PLPPR1: variants seen among roughly 807,000 people sequenced by gnomAD.
The protein encoded by PLPPR1 is phospholipid phosphatase-related protein type 1.
A neutral mutation model predicts 33.1 loss-of-function variants in PLPPR1; 10 were observed. The observed-to-expected ratio is 0.30, with a 90% confidence interval of 0.19 to 0.51. The LOEUF is 0.51. Among genes scored for constraint, PLPPR1 ranks in the 20% least tolerant of loss-of-function variants. PLPPR1 has a pLI of 0.97. For synonymous variants in PLPPR1, 151 were observed against 151.0 expected, an observed-to-expected ratio of 1.00 and a Z score of 0.00; for missense variants, 304 against 408.1, an observed-to-expected ratio of 0.74 and a Z score of 2.20.
chr9:101,186,437 G>A (rs1370683618), intron 2 of PLPPR1, among the ~76,000 whole-genome samples: 1 of 151,740 alleles, frequency 6.6e-6, no homozygotes, highest in Non-Finnish European at 1.5e-5. Context: ...CCACATCCCA[G>A]GGGTGAGCTG....
chr9:101,269,880 C>T lies in PLPPR1; in HGVS notation c.64C>T (p.Leu22Phe), dbSNP rs1251928208. The T allele has an allele frequency of 1.2e-6, 2 of 1,613,942 alleles. No individual in the cohort carries two copies. The highest frequency in any genetic ancestry group is 1.7e-6 in the Non-Finnish European group (2 of 1,179,982). Residue 22 changes from leucine to phenylalanine, a missense_variant and splice_region_variant, in exon 3 of 8, where the codon CTT becomes TTT. Leu to Phe is a conservative substitution (Grantham distance 22). Transcript: ENST00000374874. Reference sequence around the variant, plus strand: ...CTGTGTGGCCATGCTGTATTTTCAGCTTGTCATCATGGCTGGGACAGTGCT... The same window carrying T: ...CTGTGTGGCCATGCTGTATTTTCAGTTTGTCATCATGGCTGGGACAGTGCT... Reference protein sequence around the residue: ...SIIPCFIFVELVIMAGTVLLA... With the variant: ...SIIPCFIFVEFVIMAGTVLLA...
intron 2 of PLPPR1, among the ~76,000 whole-genome samples, chr9:101,217,136 A>G (rs1455395752): frequency 6.6e-6 from 1 of 152,192 alleles, no homozygotes; most frequent in Non-Finnish European, 1.5e-5. Context: ...AAGTAATATC[A>G]TTAAAAATAA....
intron 4 of PLPPR1, among the ~76,000 whole-genome samples, chr9:101,308,543 G>A (rs764903075): frequency 1.3e-5 from 2 of 152,152 alleles, no homozygotes; most frequent in Non-Finnish European, 2.9e-5. Context: ...AGCAGCAATA[G>A]GAGGCTATTG....
At chr9:101,176,624 G>A (rs985970062) in intron 1 of PLPPR1, among the ~76,000 whole-genome samples, 3 of 152,148 alleles carry the variant, frequency 2.0e-5, no homozygotes, top group Admixed American at 1.3e-4. Flanking sequence ...CCTCTGTTAA[G>A]CAATAACAAG....
Position 101,055,933 on chromosome 9 carries a change from C to T in PLPPR1, c.-46+26831C>T, listed in dbSNP as rs139605947. ...TATATTTGGAATTTACGTCATGTTC[C>T]CCAAAGCTAACTGCCTCCTGTATCT... On this transcript the variant is annotated intron_variant, in intron 1 of 7. Transcript: ENST00000374874. Among the ~76,000 whole-genome samples the T allele has an allele frequency of 3.5e-4, 53 of 152,296 alleles. 1 individual carries two copies. Among genetic ancestry groups the T allele is most frequent in the African/African-American group, 1.3e-3 (52 of 41,562 alleles).
Position 101,209,338 on chromosome 9 carries a change from G to C in PLPPR1, c.63+23781G>C, listed in dbSNP as rs115272330. 3.8e-3 allele frequency among the ~76,000 whole-genome samples: 582 copies of C among 152,346 alleles called. 3 individuals carry two copies. The highest frequency in any genetic ancestry group is 0.014 in the African/African-American group (562 of 41,588). Reference sequence around the variant, plus strand: ...TTCAAAGAGGTGGACTTTTTCCTCTGTGAATTTTTCCCGTCTGGCAGATAT... The same window carrying C: ...TTCAAAGAGGTGGACTTTTTCCTCTCTGAATTTTTCCCGTCTGGCAGATAT... On this transcript the variant is annotated intron_variant, in intron 2 of 7. Transcript: ENST00000374874.
chr9:101,142,495 A>G (rs894163598), intron 1 of PLPPR1, among the ~76,000 whole-genome samples: 2 of 152,262 alleles, frequency 1.3e-5, no homozygotes, highest in Middle Eastern at 3.4e-3. Flanking sequence ...CCTACGAGGA[A>G]TTTCCTCTGT....
At chr9:101,225,538 C>G (rs1227578639) in intron 2 of PLPPR1, among the ~76,000 whole-genome samples, 1 of 152,110 alleles carries the variant, frequency 6.6e-6, no homozygotes, top group African/African-American at 2.4e-5. Flanking sequence ...TTTCTTAACC[C>G]AATTGCAAAA....
chr9:101,076,983 AAC>A (rs2118500452), intron 1 of PLPPR1, among the ~76,000 whole-genome samples: 2 of 152,280 alleles, frequency 1.3e-5, no homozygotes, highest in Admixed American at 6.5e-5. Flanking sequence ...TCTGTGCCAC[AAC>A]TATCACAGGT....
At chr9:101,317,556 A>T in intron 7 of PLPPR1, 60 bp downstream of exon 7, 6 of 1,513,948 alleles carry the variant, frequency 4.0e-6, no homozygotes, top group Non-Finnish European at 4.5e-6. Context: ...GGAGGTCAGT[A>T]TCAATCCATG....
chr9:101,153,865 G>A (rs985557000), intron 1 of PLPPR1, among the ~76,000 whole-genome samples: 1 of 151,972 alleles, frequency 6.6e-6, no homozygotes, highest in Non-Finnish European at 1.5e-5. Context: ...CTACAGGCGT[G>A]AGCCACCGTG....
intron 2 of PLPPR1, among the ~76,000 whole-genome samples, chr9:101,197,765 T>G (rs1288092103): frequency 3.3e-5 from 5 of 152,248 alleles, no homozygotes; most frequent in African/African-American, 1.2e-4. Context: ...AAAGACTGCA[T>G]TAAATTATTG....
intron 6 of PLPPR1, among the ~76,000 whole-genome samples, chr9:101,313,640 T>C (rs1163108845): frequency 6.6e-6 from 1 of 152,206 alleles, no homozygotes; most frequent in Non-Finnish European, 1.5e-5. Flanking sequence ...CCCAAATAGA[T>C]GGAGGTCTGG....
chr9:101,306,761 T>C (rs1188322591), intron 4 of PLPPR1, among the ~76,000 whole-genome samples: 4 of 152,172 alleles, frequency 2.6e-5, no homozygotes, highest in Admixed American at 6.5e-5. Flanking sequence ...AATTTTAGAC[T>C]CCAAGCCAAG....
chr9:101,128,786 A>G (rs556192033), intron 1 of PLPPR1, among the ~76,000 whole-genome samples: 1 of 152,314 alleles, frequency 6.6e-6, no homozygotes, highest in South Asian at 2.1e-4. Context: ...TTCACAACAT[A>G]ACCCTCTGTG....
At chr9:101,175,398 C>T (rs190045888) in intron 1 of PLPPR1, among the ~76,000 whole-genome samples, 2 of 152,094 alleles carry the variant, frequency 1.3e-5, no homozygotes, top group Admixed American at 1.3e-4. Flanking sequence ...AACTTTTCTT[C>T]TGATTTTAAA....
intron 2 of PLPPR1, among the ~76,000 whole-genome samples, chr9:101,215,042 AAAG>A (rs1324757173): frequency 6.6e-6 from 1 of 151,390 alleles, no homozygotes; most frequent in Non-Finnish European, 1.5e-5. Flanking sequence ...AAAAAAAAAG[AAAG>A]AAAAGAAAAA....
chr9:101,069,724 C>G (rs1435511408), intron 1 of PLPPR1, among the ~76,000 whole-genome samples: 3 of 152,124 alleles, frequency 2.0e-5, no homozygotes, highest in Non-Finnish European at 2.9e-5. Context: ...GCCCTCTGGA[C>G]TGGCAACACT....
chr9:101,109,921 A>G (rs1469493688), intron 1 of PLPPR1, among the ~76,000 whole-genome samples: 2 of 152,192 alleles, frequency 1.3e-5, no homozygotes, highest in Non-Finnish European at 2.9e-5. Flanking sequence ...ACAAATGGCC[A>G]TTGTGTGGTG....
Sources: gnomAD v4.1 joint callset for allele counts (sites outside exome capture counted in the v4.1 genomes callset) on GRCh38, gnomAD v4.1.1 for gene constraint, MANE v1.5 for transcripts, NCBI Gene and HGNC (gene_info 2026-07-23, HGNC 2026-07-21) for gene names.